ACAD10: variants seen among roughly 807,000 people sequenced by gnomAD.
ACAD10 encodes acyl-CoA dehydrogenase family member 10.
In ACAD10, 112 loss-of-function variants were observed where a neutral mutation model predicts 116.8. The ratio of observed to expected loss-of-function variants is 0.96; its 90% confidence interval spans 0.82 to 1.12. ACAD10 has a LOEUF of 1.12. Ranked by LOEUF, ACAD10 falls within the 50% of genes most tolerant of loss-of-function variation. ACAD10 has a pLI of 0.00. For synonymous variants in ACAD10, 486 were observed against 510.6 expected (o/e 0.95, Z 0.65); for missense variants, 1,259 against 1,350.2 (o/e 0.93, Z 1.06).
intron 6 of ACAD10, among the ~76,000 whole-genome samples, chr12:111,713,169 G>A (rs1888741767): frequency 6.6e-6 from 1 of 151,886 alleles, no homozygotes; most frequent in African/African-American, 2.4e-5. Context: ...AAATTAGCTG[G>A]GTGTGGTGGT....
At chr12:111,707,019 C>T (rs1593022465) in intron 4 of ACAD10, among the ~76,000 whole-genome samples, 1 of 151,894 alleles carries the variant, frequency 6.6e-6, no homozygotes, top group East Asian at 1.9e-4. Flanking sequence ...CTCAAGTGAT[C>T]TGCCCACCTC....
At chr12:111,715,490 GA>G (rs903999322) in intron 6 of ACAD10, 1 of 287,380 alleles carries the variant, frequency 3.5e-6, no homozygotes, top group African/African-American at 2.1e-5. Context: ...GTTTGTGCTT[GA>G]TAAACAGAAT....
rs946862744 is a variant in ACAD10, at chr12:111,744,974, G to A, written c.2046G>A (p.Glu682=). ...TGGAGCAACGTGTGTACCCTGCAGAGCCAGAGCTGCAGAGTCACCAGGCCT... is the reference window on the plus strand; with the variant it reads ...TGGAGCAACGTGTGTACCCTGCAGAACCAGAGCTGCAGAGTCACCAGGCCT... ...HFMEQRVYPA[E]PELQSHQASA... The change falls in exon 13 of 21, where the codon GAG becomes GAA. Residue 682 remains glutamate (E), a synonymous_variant. Transcript: ENST00000313698. 6.2e-7 allele frequency: 1 copy of A among 1,614,136 alleles called. No individual in the cohort carries two copies. The highest frequency in any genetic ancestry group is 1.1e-5 in the South Asian group (1 of 91,088).
At chr12:111,729,215 T>C (rs1446596602) in intron 9 of ACAD10, among the ~76,000 whole-genome samples, 1 of 152,156 alleles carries the variant, frequency 6.6e-6, no homozygotes, top group Non-Finnish European at 1.5e-5. Flanking sequence ...AAAAGTGATT[T>C]ATGAAAGGCT....
rs145484987 is a variant in ACAD10 at position 111,749,334 on chromosome 12, A to G, written c.2806A>G (p.Met936Val). The G allele has an allele frequency of 1.6e-4, 250 of 1,612,708 alleles. No homozygotes were observed. Among genetic ancestry groups the G allele is most frequent in the Non-Finnish European group, 1.8e-4 (208 of 1,179,452 alleles). The part of the protein sequence containing the change: ...IGFSERALAL[M>V]KARVKSRLAF... ...GTTCTCAGAGAGGGCCCTGGCACTC[A>G]TGAAGGCCCGCGTGAGTGCTTTCCC... The change falls in exon 18 of 21, where the codon ATG (methionine) becomes GTG (valine). Residue 936 changes from methionine to valine, a missense_variant. Met to Val is a conservative substitution (Grantham distance 21). Coordinates refer to ENST00000313698, the MANE Select transcript of ACAD10 (RefSeq NM_025247.6).
At chr12:111,729,756 T>G in intron 9 of ACAD10, 50 bp from the exon 10 acceptor site, 1 of 1,595,078 alleles carries the variant, frequency 6.3e-7, no homozygotes, top group Non-Finnish European at 8.6e-7. Context: ...TTCCGCTACT[T>G]TCAGAGGTTG....
At chr12:111,724,050 C>T (rs1255616899) in intron 8 of ACAD10, among the ~76,000 whole-genome samples, 1 of 148,566 alleles carries the variant, frequency 6.7e-6, no homozygotes, top group Non-Finnish European at 1.5e-5. Flanking sequence ...AGAGGTGCTC[C>T]TCACTTCCTA....
chr12:111,722,503 C>T lies in ACAD10; in HGVS notation c.1061+764C>T, dbSNP rs111818898. Among the ~76,000 whole-genome samples the T allele has an allele frequency of 7.9e-5, 12 of 151,840 alleles. 1 individual carries two copies. The highest frequency in any genetic ancestry group is 2.9e-4 in the African/African-American group (12 of 41,172). On this transcript the variant is annotated intron_variant, in intron 8 of 20. Transcript: ENST00000313698. ...AGCAGATAAACAAGTGAACAAAGGT[C>T]TCTGGTTTTCCTAGCAGAGGACCCT...
At chr12:111,702,041 C>T (rs1888362010) in intron 2 of ACAD10, 121 bp from the exon 3 acceptor site, 3 of 1,093,292 alleles carry the variant, frequency 2.7e-6, no homozygotes. Flanking sequence ...TGCAAATTTC[C>T]AACAGCATCC....
chr12:111,702,073 C>G (rs182448095), intron 2 of ACAD10, 89 bp from the exon 3 acceptor site: 1 of 1,379,940 alleles, frequency 7.2e-7, no homozygotes, highest in Non-Finnish European at 1.0e-6. Flanking sequence ...ACAGCGAGTC[C>G]GTAGGAACTG....
At chr12:111,749,132 G>C in intron 17 of ACAD10, 41 bp from the exon 18 acceptor site, 1 of 1,613,740 alleles carries the variant, frequency 6.2e-7, no homozygotes, top group Non-Finnish European at 8.5e-7. Context: ...CAAGGAAAAT[G>C]ACTATGGCTA....
chr12:111,746,644 C>T (rs1285308012), intron 14 of ACAD10, among the ~76,000 whole-genome samples: 1 of 152,026 alleles, frequency 6.6e-6, no homozygotes, highest in East Asian at 2.0e-4. Context: ...TACCCTGGCC[C>T]CACAAAGTGC....
chr12:111,746,261 G>A lies in ACAD10; in HGVS notation c.2233G>A (p.Gly745Ser). ...ATATGCACATCTGTGTGAGCTCATG[G>A]GCACGTCCCTGTATGCCCCCGAGGT... is the stretch of plus-strand genomic sequence containing the variant. ...VEYAHLCELM[G>S]TSLYAPEVCN... The change falls in exon 14 of 21, where the codon GGC (glycine) becomes AGC (serine). Residue 745 changes from glycine (G) to serine (S), a missense_variant. Gly to Ser is a moderately conservative substitution (Grantham distance 56). Transcript: ENST00000313698. 6.2e-7 allele frequency: 1 copy of A among 1,613,058 alleles called. No homozygotes were observed. Among genetic ancestry groups the A allele is most frequent in the East Asian group, 2.2e-5 (1 of 44,826 alleles).
rs1888623065 is a variant in ACAD10 at position 111,709,940 on chromosome 12, C to T, written c.690+256C>T. On this transcript the variant is annotated intron_variant, in intron 5 of 20. Coordinates refer to ENST00000313698, the MANE Select transcript of ACAD10 (RefSeq NM_025247.6). ...AAGGAGGTGAATGGCAGGCTTAAGACCTTTGTGGGGGTGTTCACACTGTCC... is the reference window on the plus strand; with the variant it reads ...AAGGAGGTGAATGGCAGGCTTAAGATCTTTGTGGGGGTGTTCACACTGTCC... 4 of 451,924 alleles carry T rather than the reference C, an allele frequency of 8.9e-6. No individual in the cohort carries two copies. The South Asian group carries it at 9.5e-5, about 11-fold the overall frequency. The allele number at this position is 451,924 out of a possible 1,614,324, so 28.0% of individuals were successfully genotyped here. A position where few individuals can be genotyped will look rare whatever the true frequency, so the allele number is the denominator to read the frequency against.
rs796974551 is a variant in ACAD10 at position 111,715,849 on chromosome 12, C to T, written c.879C>T (p.His293=). Reference sequence around the variant, plus strand: ...CATTGGAACTACTTCAGTTTGATCACGGGCAGTCAAATCCAACTTACTACA... The same window carrying T: ...CATTGGAACTACTTCAGTTTGATCATGGGCAGTCAAATCCAACTTACTACA... ...TGPLELLQFD[H]GQSNPTYYIR... Residue 293 remains histidine (H), a synonymous_variant, in exon 7 of 21, where the codon CAC becomes CAT. Coordinates refer to ENST00000313698, the MANE Select transcript of ACAD10 (RefSeq NM_025247.6). 1.3e-5 allele frequency: 21 copies of T among 1,614,138 alleles called. No homozygotes were observed. The highest frequency in any genetic ancestry group is 5.0e-5 in the Admixed American group (3 of 60,014).
At position 111,715,959 on chromosome 12, in the gene ACAD10, T is replaced by G; in HGVS notation, c.989T>G (p.Phe330Cys). 1 of 1,613,856 alleles carries G rather than the reference T, an allele frequency of 6.2e-7. No homozygotes were observed. Among genetic ancestry groups the G allele is most frequent in the Non-Finnish European group, 8.5e-7 (1 of 1,179,840 alleles). ...TCTGCCCATGCCATAGAGAGGGAGTTCAGGTAAGTTTTCAGGGCCAGGGGA... is the reference window on the plus strand; with the variant it reads ...TCTGCCCATGCCATAGAGAGGGAGTGCAGGTAAGTTTTCAGGGCCAGGGGA... ...LPSAHAIERE[F>C]RIMKALANAG... Residue 330 changes from phenylalanine (F) to cysteine (C), a missense_variant, in exon 7 of 21, where the codon TTC becomes TGC. Physicochemically the swap from Phe to Cys is radical, Grantham distance 205. Transcript: ENST00000313698.
intron 1 of ACAD10, among the ~76,000 whole-genome samples, chr12:111,688,876 A>G (rs1396384545): frequency 6.6e-6 from 1 of 151,714 alleles, no homozygotes; most frequent in Non-Finnish European, 1.5e-5. Flanking sequence ...CAAGCAAGAT[A>G]TGAGTTAAGT....
intron 12 of ACAD10, among the ~76,000 whole-genome samples, chr12:111,739,449 T>C (rs752417658): frequency 1.2e-4 from 19 of 152,212 alleles, no homozygotes; most frequent in Middle Eastern, 3.4e-3. Context: ...AACCTGTAGA[T>C]TGAGAGAGAC....
At chr12:111,717,942 A>G (rs1158104651) in intron 7 of ACAD10, among the ~76,000 whole-genome samples, 1 of 151,490 alleles carries the variant, frequency 6.6e-6, no homozygotes, top group African/African-American at 2.4e-5. Flanking sequence ...TGTAATTTCT[A>G]AGGAGTCTGT....
Sources: gnomAD v4.1 joint callset for allele counts (sites outside exome capture counted in the v4.1 genomes callset) on GRCh38, gnomAD v4.1.1 for gene constraint, MANE v1.5 for transcripts, NCBI Gene and HGNC (gene_info 2026-07-23, HGNC 2026-07-21) for gene names.